PPP3R1: variants seen among roughly 807,000 people sequenced by gnomAD.
The protein encoded by PPP3R1 is protein phosphatase 3 regulatory subunit B, alpha, also known as calcineurin subunit B type 1.
Under a neutral mutation model 22.6 loss-of-function variants are expected in PPP3R1, and 5 were observed. The observed-to-expected ratio is 0.22, with a 90% CI of 0.12 to 0.46. The LOEUF is 0.46. Among genes scored for constraint, PPP3R1 ranks in the 20% least tolerant of loss-of-function variants. PPP3R1 has a pLI of 0.99. For synonymous variants in PPP3R1, 56 were observed against 65.2 expected, an observed-to-expected ratio of 0.86 and a Z score of 0.68; for missense variants, 61 against 203.2, an observed-to-expected ratio of 0.30 and a Z score of 4.25.
At chr2:68,243,117 T>TAA (rs1264227201) in intron 1 of PPP3R1, among the ~76,000 whole-genome samples, 10 of 152,058 alleles carry the variant, frequency 6.6e-5, no homozygotes, top group Non-Finnish European at 1.3e-4. Flanking sequence ...AAGAAATATT[T>TAA]AAAAAACAAA....
chr2:68,246,403 C>A (rs1670237919), intron 1 of PPP3R1, among the ~76,000 whole-genome samples: 2 of 151,898 alleles, frequency 1.3e-5, no homozygotes, highest in Non-Finnish European at 1.5e-5. Context: ...CAAGATAAAT[C>A]CTTCCTCAAA....
intron 2 of PPP3R1, among the ~76,000 whole-genome samples, chr2:68,204,968 T>C (rs1355951092): frequency 1.3e-5 from 2 of 152,266 alleles, no homozygotes; most frequent in Non-Finnish European, 2.9e-5. Context: ...ACAGTCTGCA[T>C]GCCATTCTGA....
intron 1 of PPP3R1, among the ~76,000 whole-genome samples, chr2:68,224,639 C>T (rs1229192934): frequency 6.7e-6 from 1 of 149,858 alleles, no homozygotes; most frequent in Non-Finnish European, 1.5e-5. Context: ...ACTCCAGCCT[C>T]GGCAGCAGAG....
At chr2:68,215,774 A>G (rs1187823837) in intron 2 of PPP3R1, among the ~76,000 whole-genome samples, 1 of 152,182 alleles carries the variant, frequency 6.6e-6, no homozygotes, top group Admixed American at 6.5e-5. Flanking sequence ...GAAGTTGCTC[A>G]GAGGATATAA....
In PPP3R1 at chr2:68,205,186, A is replaced by G. The variant is rs369920838; in HGVS notation, c.43+11906T>C. ...AAAAATGTTATCTATATCCCACCCC[A>G]GTTATTTCAGAGCAAATCCCAGACA... On this transcript the variant is annotated intron_variant, in intron 2 of 5. Transcript: ENST00000234310. Among the ~76,000 whole-genome samples the G allele has an allele frequency of 9.9e-5, 15 of 151,378 alleles. No individual in the cohort carries two copies. The East Asian group carries it at 2.9e-3, about 29-fold the overall frequency.
Position 68,179,760 on chromosome 2 carries a change from C to T in PPP3R1, c.*1203G>A, listed in dbSNP as rs1229659166. 6.6e-6 allele frequency: 1 copy of T among 152,156 alleles called. No homozygotes were observed. Among genetic ancestry groups the T allele is most frequent in the Non-Finnish European group, 1.5e-5 (1 of 68,032 alleles). The allele number at this position is 152,156 out of a possible 1,614,324, so 9.4% of individuals were successfully genotyped here. On this transcript the variant is annotated 3_prime_UTR_variant, in exon 6 of 6. Coordinates refer to ENST00000234310, the MANE Select transcript of PPP3R1 (RefSeq NM_000945.4). The stretch of plus-strand genomic sequence containing the variant: ...AAATCAAGAAAAAAAAACCAGTATG[C>T]ATGCTCTATCCCTCGTGGTAAAGAA...
chr2:68,201,722 C>CT (rs961956300), intron 2 of PPP3R1, among the ~76,000 whole-genome samples: 10 of 152,238 alleles, frequency 6.6e-5, no homozygotes, highest in African/African-American at 2.4e-4. Context: ...CTGAAAATGT[C>CT]TTTTTTTGTT....
chr2:68,223,630 T>G (rs987678986), intron 1 of PPP3R1, among the ~76,000 whole-genome samples: 2 of 152,088 alleles, frequency 1.3e-5, no homozygotes, highest in Non-Finnish European at 2.9e-5. Context: ...AATAAAAGCA[T>G]CTGACAAATT....
Position 68,186,645 on chromosome 2 carries a change from G to A in PPP3R1, c.288C>T (p.Phe96=). Residue 96 remains phenylalanine (F), a synonymous_variant, in exon 5 of 6, where the codon TTC becomes TTT. Coordinates refer to ENST00000234310, the MANE Select transcript of PPP3R1 (RefSeq NM_000945.4). ...GDKEQKLRFA[F]RIYDMDKDGY... Reference sequence around the variant, plus strand: ...CATCTTTATCCATGTCATAGATACGGAAAGCAACTAAAAAAAAGGAAGGAA... The same window carrying A: ...CATCTTTATCCATGTCATAGATACGAAAAGCAACTAAAAAAAAGGAAGGAA... 1.2e-6 allele frequency: 2 copies of A among 1,602,366 alleles called. No individual in the cohort carries two copies. The highest frequency in any genetic ancestry group is 1.7e-6 in the Non-Finnish European group (2 of 1,175,248).
intron 2 of PPP3R1, among the ~76,000 whole-genome samples, chr2:68,199,722 CTT>C (rs1220070984): frequency 1.3e-5 from 2 of 152,106 alleles, no homozygotes; most frequent in Non-Finnish European, 2.9e-5. Flanking sequence ...ATGTTTTTCT[CTT>C]TTGTCAAAAT....
chr2:68,187,945 A>C (rs889017478), intron 3 of PPP3R1, among the ~76,000 whole-genome samples: 9 of 152,162 alleles, frequency 5.9e-5, no homozygotes, highest in Non-Finnish European at 1.2e-4. Context: ...AGGCACGTGG[A>C]TCACTTGAGG....
chr2:68,223,862 T>C (rs58896403), intron 1 of PPP3R1, among the ~76,000 whole-genome samples: 3,860 of 149,780 alleles, frequency 0.026, 148 homozygotes, highest in African/African-American at 0.086. Context: ...CTGCCTTTCG[T>C]TGCAGATGAC....
intron 2 of PPP3R1, among the ~76,000 whole-genome samples, chr2:68,211,176 A>G (rs573211982): frequency 1.1e-4 from 17 of 152,168 alleles, no homozygotes; most frequent in African/African-American, 3.9e-4. Context: ...GGAGGCCGAG[A>G]CAGGCGGATC....
intron 2 of PPP3R1, among the ~76,000 whole-genome samples, chr2:68,196,099 G>A (rs1457078417): frequency 6.6e-6 from 1 of 152,072 alleles, no homozygotes; most frequent in African/African-American, 2.4e-5. Context: ...TTGGAAAAAA[G>A]CCATCAGACA....
At chr2:68,250,788 T>G (rs1014313273) in intron 1 of PPP3R1, among the ~76,000 whole-genome samples, 7 of 152,232 alleles carry the variant, frequency 4.6e-5, no homozygotes, top group African/African-American at 1.7e-4. Context: ...CTTACTCATT[T>G]GCCCTATATT....
chr2:68,248,815 G>C (rs988550327), intron 1 of PPP3R1, among the ~76,000 whole-genome samples: 1 of 152,086 alleles, frequency 6.6e-6, no homozygotes, highest in Admixed American at 6.6e-5. Context: ...AAATGATCTT[G>C]CTCCTTCTTA....
At chr2:68,196,283 A>G (rs1482830912) in intron 2 of PPP3R1, among the ~76,000 whole-genome samples, 3 of 151,994 alleles carry the variant, frequency 2.0e-5, no homozygotes, top group African/African-American at 7.3e-5. Context: ...AAATGGCTGT[A>G]TTTTCATGTG....
intron 5 of PPP3R1, among the ~76,000 whole-genome samples, chr2:68,182,992 T>C (rs184582620): frequency 2.0e-5 from 3 of 152,320 alleles, no homozygotes; most frequent in South Asian, 2.1e-4. Context: ...TCTAGACTTT[T>C]TGTCTCCAGG....
intron 2 of PPP3R1, among the ~76,000 whole-genome samples, chr2:68,205,233 C>T (rs1479594034): frequency 6.9e-6 from 1 of 145,644 alleles, no homozygotes; most frequent in Admixed American, 7.3e-5. Flanking sequence ...TGTAAGTAAT[C>T]AGTATTATCT....
Sources: allele counts gnomAD v4.1 joint callset (sites outside exome capture counted in the v4.1 genomes callset), GRCh38; gene constraint gnomAD v4.1.1; transcripts MANE v1.5; gene names NCBI Gene and HGNC (gene_info 2026-07-23, HGNC 2026-07-21).